ATP1B3: variants seen among roughly 807,000 people sequenced by gnomAD.
The protein encoded by ATP1B3 is ATPase Na+/K+ transporting subunit beta 3, also known as sodium/potassium-transporting ATPase subunit beta-3.
In ATP1B3, 10 loss-of-function variants were observed where a neutral mutation model predicts 30.2. That is an observed-to-expected ratio of 0.33 (90% CI 0.20 to 0.56). ATP1B3 has a LOEUF of 0.56. ATP1B3 is among the 20% of genes least tolerant of loss of function. The pLI, the probability that ATP1B3 is intolerant of heterozygous loss-of-function variation, is 0.90. For synonymous variants in ATP1B3, 113 were observed against 117.0 expected (o/e 0.97, Z 0.22); for missense variants, 238 against 336.7 (o/e 0.71, Z 2.29).
chr3:141,894,379 A>G (rs1934019241), intron 1 of ATP1B3, among the ~76,000 whole-genome samples: 1 of 151,700 alleles, frequency 6.6e-6, no homozygotes, highest in African/African-American at 2.4e-5. Flanking sequence ...GCTGGTCTCG[A>G]ACTCCTGGCT....
intron 1 of ATP1B3, among the ~76,000 whole-genome samples, chr3:141,892,673 AAAAC>A (rs1933978856): frequency 1.3e-5 from 2 of 151,124 alleles, no homozygotes; most frequent in Admixed American, 6.6e-5. Flanking sequence ...AAAAAAAAAA[AAAAC>A]AGTTATCGAA....
chr3:141,922,603 A>G (rs963849100), intron 6 of ATP1B3, among the ~76,000 whole-genome samples: 1 of 151,636 alleles, frequency 6.6e-6, no homozygotes, highest in African/African-American at 2.4e-5. Flanking sequence ...CAGTGAGCCA[A>G]GATTGTACCA....
intron 1 of ATP1B3, among the ~76,000 whole-genome samples, chr3:141,888,818 G>A (rs773802949): frequency 2.4e-4 from 37 of 152,126 alleles, no homozygotes; most frequent in African/African-American, 3.1e-4. Context: ...CTTGCTTGCC[G>A]CCATGTAAGA....
rs534137419 is a variant in ATP1B3, at chr3:141,903,581, C to G, written c.110-39C>G. 2.5e-6 allele frequency: 4 copies of G among 1,609,318 alleles called. No homozygotes were observed. The African/African-American group carries it at 5.4e-5, about 22-fold the overall frequency. ...GGCCAAACATGCATACACACACACACGCACGTGCACATTTCATAAGTTTTA... is the reference window on the plus strand; with the variant it reads ...GGCCAAACATGCATACACACACACAGGCACGTGCACATTTCATAAGTTTTA... On this transcript the variant is annotated intron_variant, in intron 1 of 6. Coordinates refer to ENST00000286371, the MANE Select transcript of ATP1B3 (RefSeq NM_001679.4).
At chr3:141,905,860 T>A (rs1353656359) in intron 2 of ATP1B3, among the ~76,000 whole-genome samples, 1 of 152,128 alleles carries the variant, frequency 6.6e-6, no homozygotes, top group Non-Finnish European at 1.5e-5. Flanking sequence ...GTACACAGTT[T>A]TTAAACTGAG....
intron 1 of ATP1B3, among the ~76,000 whole-genome samples, chr3:141,888,433 A>G (rs1214261862): frequency 6.6e-6 from 1 of 152,178 alleles, no homozygotes; most frequent in African/African-American, 2.4e-5. Flanking sequence ...TACCTGAGTA[A>G]TAGGAAACTC....
intron 1 of ATP1B3, among the ~76,000 whole-genome samples, chr3:141,899,599 G>A (rs1487602247): frequency 6.6e-6 from 1 of 152,228 alleles, no homozygotes; most frequent in Non-Finnish European, 1.5e-5. Context: ...GCTGGATGCA[G>A]TGGCTCACGC....
chr3:141,900,811 C>G (rs1934147696), intron 1 of ATP1B3, among the ~76,000 whole-genome samples: 1 of 152,156 alleles, frequency 6.6e-6, no homozygotes, highest in East Asian at 1.9e-4. Context: ...GAGAAGGGGT[C>G]TCTCTCTGTC....
chr3:141,890,908 TAC>T (rs1344679938), intron 1 of ATP1B3, among the ~76,000 whole-genome samples: 6 of 152,244 alleles, frequency 3.9e-5, no homozygotes, highest in Admixed American at 6.5e-5. Context: ...GAAATTTTGA[TAC>T]ACTTTGAATA....
At chr3:141,920,441 C>T (rs552187204) in intron 5 of ATP1B3, among the ~76,000 whole-genome samples, 3 of 152,048 alleles carry the variant, frequency 2.0e-5, no homozygotes, top group South Asian at 2.1e-4. Flanking sequence ...ACAGGAGAAT[C>T]GCTTGAACCC....
At chr3:141,885,210 T>C (rs1324161934) in intron 1 of ATP1B3, among the ~76,000 whole-genome samples, 1 of 152,202 alleles carries the variant, frequency 6.6e-6, no homozygotes, top group Non-Finnish European at 1.5e-5. Context: ...TGAATCTTTG[T>C]GGCCCATATC....
At chr3:141,917,841 C>T (rs1258698914) in intron 5 of ATP1B3, among the ~76,000 whole-genome samples, 2 of 151,164 alleles carry the variant, frequency 1.3e-5, no homozygotes, top group African/African-American at 4.9e-5. Context: ...GATCTCGGCT[C>T]ACTGCAAGCT....
intron 5 of ATP1B3, among the ~76,000 whole-genome samples, chr3:141,917,661 T>C (rs1343374898): frequency 6.6e-6 from 1 of 151,980 alleles, no homozygotes; most frequent in Non-Finnish European, 1.5e-5. Context: ...ACTTCTGCAC[T>C]CCAGCCTGTT....
At chr3:141,895,002 A>C (rs1000799294) in intron 1 of ATP1B3, among the ~76,000 whole-genome samples, 1 of 152,120 alleles carries the variant, frequency 6.6e-6, no homozygotes, top group East Asian at 1.9e-4. Flanking sequence ...TCACTAGGCC[A>C]TAGGAATTTT....
intron 1 of ATP1B3, among the ~76,000 whole-genome samples, chr3:141,888,274 A>T (rs888735688): frequency 1.3e-5 from 2 of 152,064 alleles, no homozygotes; most frequent in African/African-American, 4.8e-5. Flanking sequence ...GTTTCTCTCT[A>T]CCTCCTTCAC....
chr3:141,904,746 G>T (rs1052320286), intron 2 of ATP1B3, among the ~76,000 whole-genome samples: 2 of 107,110 alleles, frequency 1.9e-5, no homozygotes. Flanking sequence ...CTTTGCTCCT[G>T]TTGCCTAGGC....
At chr3:141,890,077 A>ATTTTTTGTCTTT (rs1933912619) in intron 1 of ATP1B3, among the ~76,000 whole-genome samples, 1 of 118,766 alleles carries the variant, frequency 8.4e-6, no homozygotes, top group Non-Finnish European at 1.7e-5. Flanking sequence ...CTGTAATCTA[A>ATTTTTTGTCTTT]TTTTTTTTCT....
chr3:141,921,881 C>A (rs1934568774), intron 5 of ATP1B3, 96 bp from the exon 6 acceptor site: 2 of 633,492 alleles, frequency 3.2e-6, no homozygotes, highest in African/African-American at 1.9e-5. Context: ...GTAGTTTCTG[C>A]AAACTGTTCA....
In ATP1B3 at chr3:141,890,070, T is replaced by C. The variant is rs150523895; in HGVS notation, c.109+13160T>C. On this transcript the variant is annotated intron_variant, in intron 1 of 6. Coordinates refer to ENST00000286371, the MANE Select transcript of ATP1B3 (RefSeq NM_001679.4). ...AATTTTAATTTTTAAAAAATGCCTG[T>C]AATCTAATTTTTTTTCTTTTTTTTT... 5.0e-3 allele frequency among the ~76,000 whole-genome samples: 721 copies of C among 145,598 alleles called. 4 individuals are homozygous for C. The highest frequency in any genetic ancestry group is 0.017 in the African/African-American group (686 of 39,556).
Sources: allele counts gnomAD v4.1 joint callset (sites outside exome capture counted in the v4.1 genomes callset), GRCh38; gene constraint gnomAD v4.1.1; transcripts MANE v1.5; gene names NCBI Gene and HGNC (gene_info 2026-07-23, HGNC 2026-07-21).